Variants in FLYWCH2 observed in about 807,000 individuals in gnomAD.
FLYWCH2 encodes the protein FLYWCH family member 2.
A neutral mutation model predicts 6.0 loss-of-function variants in FLYWCH2; 2 were observed. The observed-to-expected ratio is 0.33, with a 90% CI of 0.14 to 1.04. FLYWCH2 has a LOEUF of 1.04. Among genes scored for constraint, FLYWCH2 ranks in the 50% least tolerant of loss-of-function variants. The probability of loss-of-function intolerance (pLI) is 0.45; values close to 1 mark genes in which losing one functional copy is unlikely to be tolerated. For synonymous variants in FLYWCH2, 87 were observed against 79.3 expected (o/e 1.10, Z -0.52); for missense variants, 192 against 183.4 (o/e 1.05, Z -0.27).
intron 1 of FLYWCH2, among the ~76,000 whole-genome samples, chr16:2,890,895 G>A (rs1172019483): frequency 6.6e-6 from 1 of 152,134 alleles, no homozygotes; most frequent in Non-Finnish European, 1.5e-5. Context: ...AATGCACTAA[G>A]CCCAGCCAAC....
In FLYWCH2 at chr16:2,897,001, G is replaced by A. The variant is rs1354903294; in HGVS notation, c.322+230G>A. On this transcript the variant is annotated intron_variant, in intron 3 of 3. Transcript: ENST00000396958. ...CTCTCTGTGTCTGTTCCCCACTCTG[G>A]AATGCGCTGCCTACTGGCTCCTTCA... The A allele has an allele frequency of 2.9e-5, 17 of 587,946 alleles. 1 individual carries two copies. Among genetic ancestry groups the A allele is most frequent in the Non-Finnish European group, 5.1e-5 (17 of 333,972 alleles). The allele number at this position is 587,946 out of a possible 1,614,324, so 36.4% of individuals were successfully genotyped here.
chr16:2,891,780 A>G (rs564685376), intron 1 of FLYWCH2, among the ~76,000 whole-genome samples: 29 of 151,658 alleles, frequency 1.9e-4, no homozygotes, highest in Admixed American at 1.7e-3. Flanking sequence ...CTGGTCTCGA[A>G]CTCCTGGGCT....
At chr16:2,885,458 C>T (rs896788271) in intron 1 of FLYWCH2, among the ~76,000 whole-genome samples, 5 of 152,206 alleles carry the variant, frequency 3.3e-5, no homozygotes, top group African/African-American at 1.2e-4. Flanking sequence ...AGTCAATTCT[C>T]ATTCTCCCCT....
Position 2,896,494 on chromosome 16 carries a change from G to A in FLYWCH2, c.45G>A (p.Lys15=). The A allele has an allele frequency of 6.2e-7, 1 of 1,614,004 alleles. No homozygotes were observed. Among genetic ancestry groups the A allele is most frequent in the Non-Finnish European group, 8.5e-7 (1 of 1,179,942 alleles). ...GCGAGCAGGAGGGTGAGAGTGTGAA[G>A]GCCAGCCAGGAGCCATCCCCCAAGC... The part of the protein sequence containing the change: ...EPSEQEGESV[K]ASQEPSPKPG... Residue 15 remains lysine (K), a synonymous_variant, in exon 3 of 4, where the codon AAG becomes AAA. Transcript: ENST00000396958.
At chr16:2,892,967 T>C (rs2069776085) in intron 1 of FLYWCH2, among the ~76,000 whole-genome samples, 1 of 142,514 alleles carries the variant, frequency 7.0e-6, no homozygotes, top group Non-Finnish European at 1.5e-5. Context: ...ATATATCGTA[T>C]ATAATATATA....
chr16:2,887,313 C>CTTTTTTTTTTTTTT (rs71158114), intron 1 of FLYWCH2, among the ~76,000 whole-genome samples: 32 of 72,520 alleles, frequency 4.4e-4, no homozygotes, highest in African/African-American at 1.2e-3. Context: ...GCCCGGCTTT[C>CTTTTTTTTTTTTTT]TTTTTTTTTT....
intron 1 of FLYWCH2, among the ~76,000 whole-genome samples, chr16:2,891,655 T>TC (rs2069759358): frequency 6.6e-6 from 1 of 152,014 alleles, no homozygotes; most frequent in Non-Finnish European, 1.5e-5. Context: ...TCCACCCGCC[T>TC]TGCCTCCCAA....
At chr16:2,890,372 C>T (rs2150845849) in intron 1 of FLYWCH2, among the ~76,000 whole-genome samples, 1 of 151,158 alleles carries the variant, frequency 6.6e-6, no homozygotes, top group Middle Eastern at 3.4e-3. Flanking sequence ...TGTCTGCCTC[C>T]TGAGTAGCTG....
intron 3 of FLYWCH2, among the ~76,000 whole-genome samples, chr16:2,897,863 A>T (rs1392229481): frequency 2.0e-5 from 3 of 152,136 alleles, no homozygotes; most frequent in Non-Finnish European, 2.9e-5. Flanking sequence ...AGTGGGTGGG[A>T]AGAAGGTGAG....
chr16:2,884,574 A>AAAAAAAAAAC lies in FLYWCH2; in HGVS notation c.-200+1211_-200+1212insAAAAAACAAA, dbSNP rs1183267272. On this transcript the variant is annotated intron_variant, in intron 1 of 3. Transcript: ENST00000396958. ...CGTCTCTACTAAAAAAAAAAAAAAA[A>AAAAAAAAAAC]AAATACAAAAATTAGTCGGGGCCGG... Among the ~76,000 whole-genome samples the AAAAAAAAAAC allele has an allele frequency of 3.5e-5, 5 of 144,404 alleles. 1 individual carries two copies. The highest frequency in any genetic ancestry group is 1.4e-4 in the Admixed American group (2 of 14,322). The allele number at this position is 144,404 out of a possible 152,430, so 94.7% of individuals were successfully genotyped here. A position where few individuals can be genotyped will look rare whatever the true frequency, so the allele number is the denominator to read the frequency against.
intron 1 of FLYWCH2, among the ~76,000 whole-genome samples, chr16:2,889,742 C>T (rs929434766): frequency 5.3e-5 from 8 of 152,180 alleles, no homozygotes; most frequent in African/African-American, 1.7e-4. Flanking sequence ...ATCTTCCCCA[C>T]CCCCAGCTTC....
intron 1 of FLYWCH2, among the ~76,000 whole-genome samples, chr16:2,892,761 T>C (rs914181452): frequency 6.6e-6 from 1 of 151,198 alleles, no homozygotes; most frequent in African/African-American, 2.4e-5. Flanking sequence ...GGAGGATCAC[T>C]TGAACCCAGG....
rs541829176 is a variant in FLYWCH2 at position 2,883,927 on chromosome 16, T to G, written c.-200+561T>G. On this transcript the variant is annotated intron_variant, in intron 1 of 3. Transcript: ENST00000396958. ...GGGAAGGAGCTGCCATGGCTGAAAT[T>G]GCCATGGTGGGGAAGCTCCGCGCTG... Among the ~76,000 whole-genome samples, 3 of 152,292 alleles carry G rather than the reference T, an allele frequency of 2.0e-5. No homozygotes were observed. The East Asian group carries it at 5.8e-4, about 29-fold the overall frequency.
At chr16:2,894,529 C>T (rs560321891) in intron 1 of FLYWCH2, among the ~76,000 whole-genome samples, 9 of 152,310 alleles carry the variant, frequency 5.9e-5, no homozygotes, top group East Asian at 3.9e-4. Context: ...CCCCCAGGTC[C>T]CCGGCATCCC....
intron 1 of FLYWCH2, among the ~76,000 whole-genome samples, chr16:2,884,059 C>T (rs899909798): frequency 9.2e-5 from 14 of 152,272 alleles, no homozygotes; most frequent in African/African-American, 3.1e-4. Context: ...TCCCGTCATC[C>T]TGTCGGGGTC....
intron 1 of FLYWCH2, among the ~76,000 whole-genome samples, chr16:2,888,400 GTTTTTT>G (rs536713674): frequency 8.2e-6 from 1 of 121,438 alleles, no homozygotes. Flanking sequence ...AGTCCTGCAA[GTTTTTT>G]TTTTTTCAAG....
chr16:2,896,376 C>A lies in FLYWCH2; in HGVS notation c.-74C>A. The A allele has an allele frequency of 6.7e-7, 1 of 1,501,438 alleles. No homozygotes were observed. The highest frequency in any genetic ancestry group is 8.9e-7 in the Non-Finnish European group (1 of 1,129,870). The allele number at this position is 1,501,438 out of a possible 1,614,324, so 93.0% of individuals were successfully genotyped here. On this transcript the variant is annotated 5_prime_UTR_variant, in exon 3 of 4. Coordinates refer to ENST00000396958, the MANE Select transcript of FLYWCH2 (RefSeq NM_138439.3). ...GGACGGAACCGCTGGACTCCAGGTT[C>A]CTTGCCTGGGAGTAGGAGAAATCCA...
intron 1 of FLYWCH2, among the ~76,000 whole-genome samples, chr16:2,887,333 G>C (rs1026066749): frequency 4.1e-5 from 2 of 49,304 alleles, no homozygotes; most frequent in African/African-American, 1.4e-4. Context: ...TTTTTTTTTT[G>C]TATTTTTAGT....
chr16:2,893,030 A>T (rs906975041), intron 1 of FLYWCH2, among the ~76,000 whole-genome samples: 5 of 149,894 alleles, frequency 3.3e-5, no homozygotes, highest in Non-Finnish European at 1.5e-5. Context: ...ACACACACAC[A>T]CACATATAAA....
Sources: gnomAD v4.1 joint callset for allele counts (sites outside exome capture counted in the v4.1 genomes callset) on GRCh38, gnomAD v4.1.1 for gene constraint, MANE v1.5 for transcripts, NCBI Gene and HGNC (gene_info 2026-07-23, HGNC 2026-07-21) for gene names.